Variants in WIPF1 observed in about 807,000 individuals in gnomAD.
WIPF1 encodes the protein WAS/WASL-interacting protein family member 1.
In WIPF1, 13 loss-of-function variants were observed where a neutral mutation model predicts 35.4. The ratio of observed to expected loss-of-function variants is 0.37; its 90% CI spans 0.24 to 0.58. The LOEUF (loss-of-function observed/expected upper bound fraction) is 0.58. WIPF1 is among the 20% of genes least tolerant of loss of function. The pLI is 0.74. For synonymous variants in WIPF1, 267 were observed against 266.3 expected (o/e 1.00, Z -0.02); for missense variants, 591 against 667.0 (o/e 0.89, Z 1.25).
At chr2:174,630,859 C>T (rs551370894) in intron 1 of WIPF1, among the ~76,000 whole-genome samples, 34 of 152,336 alleles carry the variant, frequency 2.2e-4, no homozygotes, top group East Asian at 9.6e-4. Context: ...ACCATGGTCA[C>T]CCCTCCAGAA....
chr2:174,564,906 T>C (rs1247027737), intron 7 of WIPF1, among the ~76,000 whole-genome samples: 1 of 151,832 alleles, frequency 6.6e-6, no homozygotes, highest in African/African-American at 2.4e-5. Context: ...ACACTTTTTT[T>C]TTTTTTTTGA....
upstream of WIPF1, among the ~76,000 whole-genome samples, chr2:174,599,956 G>C (rs1056253963): frequency 6.6e-6 from 1 of 152,220 alleles, no homozygotes; most frequent in Non-Finnish European, 1.5e-5. Context: ...GGGGCAGGGG[G>C]TGGGGATGGT....
chr2:174,623,188 T>C (rs1686730814), intron 1 of WIPF1, among the ~76,000 whole-genome samples: 2 of 152,198 alleles, frequency 1.3e-5, no homozygotes, highest in South Asian at 4.1e-4. Flanking sequence ...TATTAGTTAG[T>C]CTATTGTTGT....
rs760763645 is a variant in WIPF1, at chr2:174,637,296, C to T, written c.-39+45478G>A. Among the ~76,000 whole-genome samples the T allele has an allele frequency of 4.3e-4, 65 of 152,184 alleles. No individual in the cohort carries two copies. The Middle Eastern group carries it at 0.017, about 40-fold the overall frequency. The stretch of plus-strand genomic sequence containing the variant: ...TTCCAGCACTACAAGATGCTCCAGG[C>T]TCACCATGTATAGTACCTCCCCAAC... On this transcript the variant is annotated intron_variant, in intron 1 of 8. Coordinates refer to the WIPF1 transcript ENST00000272746.
intron 1 of WIPF1, chr2:174,673,514 G>C (rs1688064853): frequency 1.3e-5 from 2 of 152,258 alleles, no homozygotes; most frequent in African/African-American, 4.8e-5. Context: ...CTTTGACCAT[G>C]CTGTGTCGGA....
At position 174,653,598 on chromosome 2, in the gene WIPF1, C is replaced by T. The variant is rs145721048; in HGVS notation, c.-39+29176G>A. On this transcript the variant is annotated intron_variant, in intron 1 of 8. Transcript: ENST00000272746. ...AAAAATACTAAAAAAAAAAATTAGC[C>T]GGGTGTGGTGGCGGGTGCCTGTAGT... Among the ~76,000 whole-genome samples the T allele has an allele frequency of 5.3e-3, 807 of 151,742 alleles. 8 individuals carry two copies. Among genetic ancestry groups the T allele is most frequent in the Middle Eastern group, 0.017 (5 of 294 alleles).
chr2:174,663,994 C>T (rs1020674029), intron 1 of WIPF1, among the ~76,000 whole-genome samples: 6 of 152,186 alleles, frequency 3.9e-5, no homozygotes, highest in African/African-American at 9.7e-5. Context: ...ACACATACAG[C>T]GACAGAGCTG....
intron 7 of WIPF1, chr2:174,566,202 T>C (rs975062669): frequency 6.6e-6 from 1 of 152,206 alleles, no homozygotes; most frequent in Non-Finnish European, 1.5e-5. Context: ...TGTGTTTTTT[T>C]AAAAGTAAAT....
chr2:174,586,592 C>A (rs567812358), intron 1 of WIPF1, among the ~76,000 whole-genome samples: 2 of 152,036 alleles, frequency 1.3e-5, no homozygotes, highest in Non-Finnish European at 2.9e-5. Context: ...GTTACACCAG[C>A]CAGGAGCCCT....
intron 1 of WIPF1, among the ~76,000 whole-genome samples, chr2:174,607,230 C>T (rs1041226612): frequency 4.6e-5 from 7 of 151,948 alleles, no homozygotes; most frequent in African/African-American, 1.5e-4. Flanking sequence ...GGTGAAACCC[C>T]GTCTCTATTA....
At position 174,561,375 on chromosome 2, in the gene WIPF1, C is replaced by G. The variant is rs1684480043; in HGVS notation, c.*1172G>C. ...CCAAGCCTTCCTAGTCTCTCCCAGC[C>G]TCAGGAGCTTGCTCAGCCAGAAAGG... is the stretch of plus-strand genomic sequence containing the variant. On this transcript the variant is annotated 3_prime_UTR_variant, in exon 8 of 8. Coordinates refer to ENST00000679041, the MANE Select transcript of WIPF1 (RefSeq NM_001375834.1). 1 of 152,208 alleles carries G rather than the reference C, an allele frequency of 6.6e-6. No individual in the cohort carries two copies. The highest frequency in any genetic ancestry group is 1.5e-5 in the Non-Finnish European group (1 of 68,070). The allele number at this position is 152,208 out of a possible 1,614,324, so 9.4% of individuals were successfully genotyped here.
At chr2:174,645,652 G>C (rs1430636028) in intron 1 of WIPF1, among the ~76,000 whole-genome samples, 2 of 152,240 alleles carry the variant, frequency 1.3e-5, no homozygotes, top group African/African-American at 4.8e-5. Flanking sequence ...CTTGCTGGTA[G>C]ACTATACACT....
At chr2:174,679,056 A>T (rs1688196259) in intron 1 of WIPF1, among the ~76,000 whole-genome samples, 1 of 152,264 alleles carries the variant, frequency 6.6e-6, no homozygotes, top group South Asian at 2.1e-4. Flanking sequence ...TAATAATAAT[A>T]GTCCACAAAT....
intron 1 of WIPF1, among the ~76,000 whole-genome samples, chr2:174,675,479 C>T (rs1688110280): frequency 6.6e-6 from 1 of 152,004 alleles, no homozygotes; most frequent in South Asian, 2.1e-4. Context: ...GCCTCAGCTT[C>T]CCAAGTAGCA....
chr2:174,600,148 TG>T (rs572183873), upstream of WIPF1, among the ~76,000 whole-genome samples: 354 of 152,298 alleles, frequency 2.3e-3, no homozygotes, highest in African/African-American at 8.1e-3. Flanking sequence ...CTGTGTGGCC[TG>T]GTTCCTAAGG....
chr2:174,610,117 C>G (rs1442428464), intron 1 of WIPF1, among the ~76,000 whole-genome samples: 1 of 152,144 alleles, frequency 6.6e-6, no homozygotes, highest in Non-Finnish European at 1.5e-5. Flanking sequence ...TTTCGGGTTG[C>G]CTCGATGGGG....
chr2:174,597,140 A>G (rs1685845666), intron 1 of WIPF1, among the ~76,000 whole-genome samples: 1 of 152,244 alleles, frequency 6.6e-6, no homozygotes, highest in African/African-American at 2.4e-5. Flanking sequence ...TAAATAGCAC[A>G]TTGGCAGCAA....
At position 174,626,969 on chromosome 2, in the gene WIPF1, A is replaced by G. The variant is rs113785639; in HGVS notation, c.-38-41358T>C. Among the ~76,000 whole-genome samples, 134 of 152,256 alleles carry G rather than the reference A, an allele frequency of 8.8e-4. 1 individual carries two copies. The highest frequency in any genetic ancestry group is 2.9e-3 in the African/African-American group (121 of 41,548). ...GAAAGCCAGAGTCCTACCATGACCA[A>G]CATGGCCCTCCAGGATCTCACCTCC... On this transcript the variant is annotated intron_variant, in intron 1 of 8. Coordinates refer to the WIPF1 transcript ENST00000272746.
At chr2:174,569,777 G>T (rs537085305) in intron 5 of WIPF1, among the ~76,000 whole-genome samples, 39 of 152,282 alleles carry the variant, frequency 2.6e-4, no homozygotes, top group African/African-American at 8.9e-4. Context: ...GGTTTTGGAA[G>T]CTTGAAAAGC....
Sources: allele counts gnomAD v4.1 joint callset (sites outside exome capture counted in the v4.1 genomes callset), GRCh38; gene constraint gnomAD v4.1.1; transcripts MANE v1.5; gene names NCBI Gene and HGNC (gene_info 2026-07-23, HGNC 2026-07-21).